The following GNAL variants were observed in gnomAD, a reference collection of about 807,000 sequenced individuals.
GNAL encodes the protein guanine nucleotide-binding protein G(olf) subunit alpha.
A neutral mutation model predicts 55.1 loss-of-function variants in GNAL; 18 were observed. That is an observed-to-expected ratio of 0.33 (90% confidence interval 0.23 to 0.48). GNAL has a LOEUF of 0.48. Among genes scored for constraint, GNAL ranks in the 20% least tolerant of loss-of-function variants. The pLI is 0.99. For synonymous variants in GNAL, 253 were observed against 237.0 expected, an observed-to-expected ratio of 1.07 and a Z score of -0.62; for missense variants, 412 against 614.1, an observed-to-expected ratio of 0.67 and a Z score of 3.48.
At chr18:11,772,549 T>C (rs2033665054) in intron 4 of GNAL, among the ~76,000 whole-genome samples, 1 of 152,186 alleles carries the variant, frequency 6.6e-6, no homozygotes, top group Non-Finnish European at 1.5e-5. Context: ...TTGCCTCTAA[T>C]CTTAGCATTT....
intron 4 of GNAL, among the ~76,000 whole-genome samples, chr18:11,807,020 A>G (rs967120796): frequency 4.6e-5 from 7 of 152,028 alleles, no homozygotes; most frequent in African/African-American, 1.7e-4. Flanking sequence ...TTAGCCGGGC[A>G]TGGTGGCGCA....
At chr18:11,768,646 A>G (rs1285753172) in intron 4 of GNAL, among the ~76,000 whole-genome samples, 1 of 149,846 alleles carries the variant, frequency 6.7e-6, no homozygotes, top group Non-Finnish European at 1.5e-5. Context: ...TGTAATCCCA[A>G]CACTTTGGGA....
At position 11,861,378 on chromosome 18, in the gene GNAL, C is replaced by T. The variant is rs529187784; in HGVS notation, c.723-1017C>T. 5.3e-5 allele frequency among the ~76,000 whole-genome samples: 8 copies of T among 152,278 alleles called. 1 individual carries two copies. The highest frequency in any genetic ancestry group is 4.1e-4 in the South Asian group (2 of 4,826). The stretch of plus-strand genomic sequence containing the variant: ...CCCCGAGGGACCCAGCCTCTCAGCC[C>T]TCAATGGTCACCTGTCCCAGCCGCG... On this transcript the variant is annotated intron_variant, in intron 5 of 11. Transcript: ENST00000334049.
intron 1 of GNAL, among the ~76,000 whole-genome samples, chr18:11,749,566 C>T (rs2032767363): frequency 6.6e-6 from 1 of 152,156 alleles, no homozygotes; most frequent in South Asian, 2.1e-4. Flanking sequence ...GAACCAGGTA[C>T]CGGTGCCGCA....
intron 1 of GNAL, chr18:11,747,141 C>G (rs2032706226): frequency 2.5e-6 from 1 of 403,594 alleles, no homozygotes; most frequent in Non-Finnish European, 4.9e-6. Context: ...TGCCCACAGC[C>G]TTGAACTGAG....
intron 1 of GNAL, among the ~76,000 whole-genome samples, chr18:11,692,952 A>G (rs2031299931): frequency 6.6e-6 from 1 of 152,156 alleles, no homozygotes. Flanking sequence ...CTACCTGGAA[A>G]GACATTAATT....
intron 6 of GNAL, among the ~76,000 whole-genome samples, chr18:11,863,017 T>C (rs1276851570): frequency 6.6e-6 from 1 of 152,142 alleles, no homozygotes; most frequent in Non-Finnish European, 1.5e-5. Flanking sequence ...TAGCTGGGAT[T>C]ACAGGTGCTT....
chr18:11,752,484 T>G lies in GNAL; in HGVS notation c.377-369T>G. ...AGACGACGGAAGACCAGGGCGTCGA[T>G]GAAAAAGAACGACGCGAGGCCAACA... On this transcript the variant is annotated intron_variant, in intron 1 of 11. Coordinates refer to ENST00000334049, the MANE Select transcript of GNAL (RefSeq NM_182978.4). The surrounding 1 kb of genome is among the most constrained non-coding windows in gnomAD (Gnocchi z 4.5). 1.2e-6 allele frequency: 2 copies of G among 1,612,536 alleles called. No individual in the cohort carries two copies. Among genetic ancestry groups the G allele is most frequent in the African/African-American group, 1.3e-5 (1 of 74,826 alleles).
chr18:11,768,948 C>T (rs1314736960), intron 4 of GNAL, among the ~76,000 whole-genome samples: 1 of 116,314 alleles, frequency 8.6e-6, no homozygotes, highest in Non-Finnish European at 1.7e-5. Context: ...ATATATATTA[C>T]TATATGTTAT....
At chr18:11,741,091 A>G (rs2032565926) in intron 1 of GNAL, among the ~76,000 whole-genome samples, 1 of 152,264 alleles carries the variant, frequency 6.6e-6, no homozygotes, top group Admixed American at 6.5e-5. Context: ...GGGCAAAGAG[A>G]TAATTAATTC....
intron 4 of GNAL, among the ~76,000 whole-genome samples, chr18:11,796,839 C>A (rs548472169): frequency 6.6e-6 from 1 of 152,102 alleles, no homozygotes; most frequent in African/African-American, 2.4e-5. Context: ...TATCCCATTA[C>A]TCATTTCCAA....
intron 4 of GNAL, among the ~76,000 whole-genome samples, chr18:11,819,188 A>C (rs547156440): frequency 6.6e-6 from 1 of 152,368 alleles, no homozygotes; most frequent in Non-Finnish European, 1.5e-5. Context: ...TGTTATTCTT[A>C]CACTTCTTAT....
At position 11,787,643 on chromosome 18, in the gene GNAL, G is replaced by T. The variant is rs187817942; in HGVS notation, c.624+33698G>T. 7.7e-3 allele frequency among the ~76,000 whole-genome samples: 1,174 copies of T among 152,336 alleles called. 11 individuals are homozygous for T. The highest frequency in any genetic ancestry group is 0.024 in the African/African-American group (1,017 of 41,560). ...TAATCCTAGCACTTTGGGAGGCCGA[G>T]GTGGGCGGATCACGAGGTCAGGAGA... On this transcript the variant is annotated intron_variant, in intron 4 of 11. Transcript: ENST00000334049.
chr18:11,816,832 A>G (rs75414488), intron 4 of GNAL, among the ~76,000 whole-genome samples: 1 of 145,440 alleles, frequency 6.9e-6, no homozygotes, highest in Non-Finnish European at 1.5e-5. Context: ...AAAAAAAAAA[A>G]GGAACAAACT....
intron 1 of GNAL, among the ~76,000 whole-genome samples, chr18:11,706,952 C>T (rs771722663): frequency 3.3e-5 from 5 of 152,208 alleles, no homozygotes; most frequent in African/African-American, 7.2e-5. Flanking sequence ...TTGACCTCCT[C>T]CAATGAATCA....
rs2036809731 is a variant in GNAL, at chr18:11,883,915, T to G, written c.*2780T>G. 1.3e-5 allele frequency: 2 copies of G among 152,454 alleles called. No individual in the cohort carries two copies. The highest frequency in any genetic ancestry group is 2.9e-5 in the Non-Finnish European group (2 of 68,258). 9.4% of individuals were successfully genotyped at this position (152,454 alleles called of 1,614,324 possible). A position where few individuals can be genotyped will look rare whatever the true frequency, so the allele number is the denominator to read the frequency against. On this transcript the variant is annotated 3_prime_UTR_variant, in exon 12 of 12. Transcript: ENST00000334049. ...CATGTTGGCCAGGCTGGTCTTGAAC[T>G]CCTGACCTCAAGTGATCCACCCGCC...
intron 4 of GNAL, among the ~76,000 whole-genome samples, chr18:11,776,908 G>A (rs1014841675): frequency 1.3e-5 from 2 of 151,934 alleles, no homozygotes; most frequent in Non-Finnish European, 2.9e-5. Context: ...ATAGTCATTT[G>A]TGCTTTCCAA....
intron 4 of GNAL, among the ~76,000 whole-genome samples, chr18:11,754,841 G>A (rs1438440452): frequency 6.6e-6 from 1 of 152,200 alleles, no homozygotes; most frequent in East Asian, 1.9e-4. Flanking sequence ...TTATGCAAAA[G>A]AGTGACATCA....
At chr18:11,832,584 G>T (rs1429608456) in intron 5 of GNAL, among the ~76,000 whole-genome samples, 2 of 152,132 alleles carry the variant, frequency 1.3e-5, no homozygotes, top group African/African-American at 4.8e-5. Context: ...TTGACCTGGC[G>T]CGGTGGCTCA....
Sources: gnomAD v4.1 joint callset for allele counts (sites outside exome capture counted in the v4.1 genomes callset) on GRCh38, gnomAD v4.1.1 for gene constraint, Gnocchi (gnomAD v3.1) non-coding constraint, MANE v1.5 for transcripts, NCBI Gene and HGNC (gene_info 2026-07-23, HGNC 2026-07-21) for gene names.